Variants in FARP1 observed in about 807,000 individuals in gnomAD.
FARP1 encodes the protein FERM, ARH/RhoGEF and pleckstrin domain protein 1.
FARP1 carries 52 observed loss-of-function variants against 128.8 expected under a neutral mutation model. That is an observed-to-expected ratio of 0.40 (90% confidence interval 0.32 to 0.51). FARP1 has a LOEUF of 0.51. FARP1 is among the 20% of genes least tolerant of loss of function. The probability of loss-of-function intolerance (pLI) is 0.45; values close to 1 mark genes in which losing one functional copy is unlikely to be tolerated. For synonymous variants in FARP1, 580 were observed against 551.8 expected (o/e 1.05, Z -0.72); for missense variants, 1,333 against 1,367.9 (o/e 0.97, Z 0.40).
At chr13:98,150,256 C>T (rs999391442) in intron 1 of FARP1, among the ~76,000 whole-genome samples, 1 of 152,100 alleles carries the variant, frequency 6.6e-6, no homozygotes, top group African/African-American at 2.4e-5. Context: ...GTCTCAAACT[C>T]CTGACCTCAA....
chr13:98,179,449 C>T (rs531832453), intron 1 of FARP1, among the ~76,000 whole-genome samples: 113 of 152,206 alleles, frequency 7.4e-4, no homozygotes, highest in Admixed American at 1.9e-3. Context: ...GCTGGGTTCT[C>T]GAGTTTCTAC....
At position 98,176,917 on chromosome 13, in the gene FARP1, T is replaced by C; in HGVS notation, c.-24+33425T>C. The C allele has an allele frequency of 6.2e-7, 1 of 1,605,122 alleles. No individual in the cohort carries two copies. The highest frequency in any genetic ancestry group is 8.5e-7 in the Non-Finnish European group (1 of 1,179,898). On this transcript the variant is annotated intron_variant, in intron 1 of 26. Coordinates refer to ENST00000319562, the MANE Select transcript of FARP1 (RefSeq NM_005766.4). This position sits in a 1 kb window ranked among gnomAD's most constrained non-coding sequence, Gnocchi z 6.2. ...CTCGAAGTCAGCGGTGGCCCCCATG[T>C]CCTCTGGCCCCACAGGCTTCGCCGA...
rs1043764317 is a variant in FARP1, at chr13:98,293,862, C to T, written c.172-49900C>T. 9.9e-5 allele frequency among the ~76,000 whole-genome samples: 15 copies of T among 152,200 alleles called. No individual in the cohort carries two copies. The South Asian group carries it at 2.1e-3, about 21-fold the overall frequency. ...CTAAGATGGCCATTTTGCTTACCCA[C>T]ATTTTTTTGCTCAGCTCACTATTGA... On this transcript the variant is annotated intron_variant, in intron 2 of 26. Transcript: ENST00000319562.
chr13:98,422,348 G>C (rs1462738873), intron 16 of FARP1, among the ~76,000 whole-genome samples: 1 of 152,166 alleles, frequency 6.6e-6, no homozygotes, highest in Non-Finnish European at 1.5e-5. Flanking sequence ...GCAGTGGGGA[G>C]AGATTCGTTT....
chr13:98,312,253 G>T (rs182805412), intron 2 of FARP1, among the ~76,000 whole-genome samples: 1 of 147,356 alleles, frequency 6.8e-6, no homozygotes, highest in African/African-American at 2.5e-5. Flanking sequence ...CCATTCTCCT[G>T]CCTCAGCCTC....
At chr13:98,430,619 A>C (rs1891973302) in intron 17 of FARP1, among the ~76,000 whole-genome samples, 1 of 152,170 alleles carries the variant, frequency 6.6e-6, no homozygotes, top group Non-Finnish European at 1.5e-5. Flanking sequence ...GGGAAGCAGA[A>C]CTGTGGTTTT....
intron 4 of FARP1, 132 bp downstream of exon 4, chr13:98,365,569 A>G: frequency 3.5e-6 from 2 of 574,218 alleles, no homozygotes; most frequent in South Asian, 3.1e-5. Flanking sequence ...GCTTTTCATC[A>G]TCGACTAATC....
At chr13:98,169,413 T>C (rs1877499008) in intron 1 of FARP1, among the ~76,000 whole-genome samples, 1 of 152,226 alleles carries the variant, frequency 6.6e-6, no homozygotes, top group African/African-American at 2.4e-5. Context: ...GCTACATTTC[T>C]TTTGAATCTT....
At chr13:98,349,547 T>G (rs1246050896) in intron 3 of FARP1, among the ~76,000 whole-genome samples, 1 of 151,726 alleles carries the variant, frequency 6.6e-6, no homozygotes, top group Non-Finnish European at 1.5e-5. Context: ...GGCACGCGTC[T>G]ATATTCGCAG....
At chr13:98,397,029 T>C (rs1345613074) in intron 13 of FARP1, 2 of 152,266 alleles carry the variant, frequency 1.3e-5, no homozygotes, top group Non-Finnish European at 2.9e-5. Context: ...TGAGATTATG[T>C]TGGTGAAATC....
At chr13:98,202,814 G>A (rs1331894262) in intron 1 of FARP1, among the ~76,000 whole-genome samples, 2 of 151,976 alleles carry the variant, frequency 1.3e-5, no homozygotes, top group South Asian at 4.2e-4. Flanking sequence ...CAAATTTCTG[G>A]TCTCAAGTGA....
intron 5 of FARP1, among the ~76,000 whole-genome samples, chr13:98,370,496 G>T (rs1166856691): frequency 2.0e-5 from 3 of 151,438 alleles, no homozygotes; most frequent in Admixed American, 6.6e-5. Flanking sequence ...CGGAAGCAGG[G>T]TCCCTCTGTC....
At chr13:98,262,348 T>TTCTTCTTCC (rs904215718) in intron 2 of FARP1, among the ~76,000 whole-genome samples, 12 of 152,034 alleles carry the variant, frequency 7.9e-5, no homozygotes, top group African/African-American at 2.9e-4. Context: ...TTGCCGACTT[T>TTCTTCTTCC]TCTTCTTCCT....
rs375389889 is a variant in FARP1, at chr13:98,427,407, G to A, written c.1905+2757G>A. 4.6e-5 allele frequency among the ~76,000 whole-genome samples: 7 copies of A among 152,188 alleles called. No individual in the cohort carries two copies. The South Asian group carries it at 6.2e-4, about 14-fold the overall frequency. On this transcript the variant is annotated intron_variant, in intron 17 of 26. Coordinates refer to ENST00000319562, the MANE Select transcript of FARP1 (RefSeq NM_005766.4). ...CATGCTCTGTACTTTTTCCAAGGCC[G>A]TTCTGGTTTCTCAGCTTTTCTCCCT... is the stretch of plus-strand genomic sequence containing the variant.
Position 98,454,634 on chromosome 13 carries a change from G to C in FARP1, c.*6317G>C, listed in dbSNP as rs943439425. The C allele has an allele frequency of 2.0e-5, 3 of 152,206 alleles. No individual in the cohort carries two copies. Among genetic ancestry groups the C allele is most frequent in the Non-Finnish European group, 4.4e-5 (3 of 68,032 alleles). The allele number at this position is 152,206 out of a possible 1,614,324, so 9.4% of individuals were successfully genotyped here. On this transcript the variant is annotated 3_prime_UTR_variant, in exon 27 of 27. Coordinates refer to ENST00000319562, the MANE Select transcript of FARP1 (RefSeq NM_005766.4). ...GCTGAGACAGAAAGGCTCTGAAAAT[G>C]CTTCAGAGGAGAGGCGGCTCTCATT... is the stretch of plus-strand genomic sequence containing the variant.
At chr13:98,417,126 G>A (rs2274058) in intron 16 of FARP1, among the ~76,000 whole-genome samples, 49,153 of 151,932 alleles carry the variant, frequency 0.32, 9,034 homozygotes, top group African/African-American at 0.49. Context: ...TGGGAGGGAA[G>A]TCAAAGAAGC....
At position 98,409,569 on chromosome 13, in the gene FARP1, C is replaced by A. The variant is rs113981933; in HGVS notation, c.1602+44C>A. 3,072 of 1,488,274 alleles carry A rather than the reference C, an allele frequency of 2.1e-3. 52 individuals are homozygous for A. In the African/African-American group the frequency reaches 0.035, roughly 17 times the overall value. The allele number at this position is 1,488,274 out of a possible 1,614,324, so 92.2% of individuals were successfully genotyped here. On this transcript the variant is annotated intron_variant, in intron 14 of 26. Coordinates refer to ENST00000319562, the MANE Select transcript of FARP1 (RefSeq NM_005766.4). ...AAGCGCGTGTGTGGCTGTGTGTGCA[C>A]GTGTGTTTGTGTGAATTTTAAAAAT...
At chr13:98,193,586 TC>T (rs564993158) in intron 1 of FARP1, among the ~76,000 whole-genome samples, 1 of 152,250 alleles carries the variant, frequency 6.6e-6, no homozygotes, top group Non-Finnish European at 1.5e-5. Context: ...AATAAAAGAT[TC>T]TGGTAAGTTT....
At chr13:98,444,388 G>A (rs951156060) in intron 24 of FARP1, among the ~76,000 whole-genome samples, 8 of 152,190 alleles carry the variant, frequency 5.3e-5, no homozygotes, top group Admixed American at 2.6e-4. Flanking sequence ...GGAGAGGAGC[G>A]GTGGCCCCAA....
Sources: gnomAD v4.1 joint callset for allele counts (sites outside exome capture counted in the v4.1 genomes callset) on GRCh38, gnomAD v4.1.1 for gene constraint, Gnocchi (gnomAD v3.1) non-coding constraint, MANE v1.5 for transcripts, NCBI Gene and HGNC (gene_info 2026-07-23, HGNC 2026-07-21) for gene names.